The following ELAPOR2 variants were observed in gnomAD, a reference collection of about 807,000 sequenced individuals.
The protein encoded by ELAPOR2 is endosome/lysosome-associated apoptosis and autophagy regulator family member 2.
ELAPOR2 carries 89 observed loss-of-function variants against 120.7 expected under a neutral mutation model. The ratio of observed to expected loss-of-function variants is 0.74; its 90% CI spans 0.62 to 0.88. ELAPOR2 has a LOEUF of 0.88. Ranked by LOEUF, ELAPOR2 falls within the 40% of genes least tolerant of loss-of-function variation. The pLI, the probability that ELAPOR2 is intolerant of heterozygous loss-of-function variation, is 0.00. For missense variants in ELAPOR2, 1,134 were observed against 1,251.6 expected (o/e 0.91, Z 1.42); for synonymous variants, 444 against 444.9 (o/e 1.00, Z 0.03).
At chr7:86,939,160 A>C (rs146754365) in intron 6 of ELAPOR2, among the ~76,000 whole-genome samples, 200 bp from the exon 7 acceptor site, 2 of 152,254 alleles carry the variant, frequency 1.3e-5, no homozygotes, top group East Asian at 3.9e-4. Flanking sequence ...CAAACAAATA[A>C]GAGATGAAGA....
chr7:87,028,364 C>A (rs1348050548), intron 1 of ELAPOR2, among the ~76,000 whole-genome samples: 1 of 152,134 alleles, frequency 6.6e-6, no homozygotes, highest in Non-Finnish European at 1.5e-5. Context: ...CATCAACCCT[C>A]TTCTTCAACA....
rs749291023 is a variant in ELAPOR2, at chr7:86,893,051, G to A, written c.2735C>T (p.Ser912Phe). 1 of 1,573,534 alleles carries A rather than the reference G, an allele frequency of 6.4e-7. No individual in the cohort carries two copies. Among genetic ancestry groups the A allele is most frequent in the African/African-American group, 1.4e-5 (1 of 71,312 alleles). The change falls in exon 20 of 22, where the codon TCT becomes TTT. Residue 912 changes from serine to phenylalanine, a missense_variant. Around this residue, in one of 3 missense-constraint regions of ELAPOR2, gnomAD observed 831 missense variants for 867.6 expected, o/e 0.96. Transcript: ENST00000450689. ...NEPKWCIKGISLPEKKLATCE... is the reference protein window; with the variant it reads ...NEPKWCIKGIFLPEKKLATCE... ...GGTTGCCAACTTTTTCTCAGGCAAAGAAATTCCTTTAATGCACCATTTAGG... is the reference window on the plus strand; with the variant it reads ...GGTTGCCAACTTTTTCTCAGGCAAAAAAATTCCTTTAATGCACCATTTAGG...
chr7:86,950,499 G>A (rs1447083676), intron 2 of ELAPOR2, among the ~76,000 whole-genome samples: 1 of 152,084 alleles, frequency 6.6e-6, no homozygotes, highest in Non-Finnish European at 1.5e-5. Context: ...CTGTCTCCAA[G>A]CTTCTGGGTG....
chr7:86,897,740 G>A (rs1203194798), intron 18 of ELAPOR2, 108 bp from the exon 19 acceptor site: 8 of 1,243,618 alleles, frequency 6.4e-6, no homozygotes, highest in Non-Finnish European at 8.9e-6. Flanking sequence ...AGCACTGTGT[G>A]GATGCTGAAG....
At chr7:86,973,155 G>C (rs1280359193) in intron 1 of ELAPOR2, among the ~76,000 whole-genome samples, 5 of 152,054 alleles carry the variant, frequency 3.3e-5, no homozygotes, top group Non-Finnish European at 7.4e-5. Context: ...GTTCTAAATG[G>C]AAGATCTCAT....
intron 2 of ELAPOR2, among the ~76,000 whole-genome samples, chr7:86,954,610 A>T (rs1374303867): frequency 6.6e-6 from 1 of 152,146 alleles, no homozygotes; most frequent in Non-Finnish European, 1.5e-5. Context: ...TCTGGGAACA[A>T]CATTGTGGCT....
chr7:87,031,302 C>G (rs1372325120), intron 1 of ELAPOR2, among the ~76,000 whole-genome samples: 1 of 152,148 alleles, frequency 6.6e-6, no homozygotes, highest in African/African-American at 2.4e-5. Context: ...AATTGTTCAT[C>G]CAACTGAACA....
At chr7:86,911,813 G>A in intron 15 of ELAPOR2, 1 of 570,284 alleles carries the variant, frequency 1.8e-6, no homozygotes, top group South Asian at 1.8e-5. Flanking sequence ...CATCCTCAAA[G>A]CACTTACACC....
At chr7:86,889,678 C>T (rs1405464050) in intron 21 of ELAPOR2, among the ~76,000 whole-genome samples, 1 of 151,976 alleles carries the variant, frequency 6.6e-6, no homozygotes, top group African/African-American at 2.4e-5. Flanking sequence ...TGTTTGCAGA[C>T]CACAGTTGAC....
At chr7:86,893,620 C>T in intron 19 of ELAPOR2, among the ~76,000 whole-genome samples, 1 of 151,940 alleles carries the variant, frequency 6.6e-6, no homozygotes, top group South Asian at 2.1e-4. Context: ...ACAGGTGCAC[C>T]ACGGCTGGGT....
rs1212104332 is a variant in ELAPOR2, at chr7:87,034,809, G to A, written c.189+24516C>T. ...AGAATAAGAATGTGTGTGGCCAGGC[G>A]CAGTGGCTCACGACTGTAATCCAAG... On this transcript the variant is annotated intron_variant, in intron 1 of 21. Coordinates refer to ENST00000450689, the MANE Select transcript of ELAPOR2 (RefSeq NM_001142749.3). Among the ~76,000 whole-genome samples the A allele has an allele frequency of 1.5e-4, 23 of 152,222 alleles. No individual in the cohort carries two copies. In the East Asian group the frequency reaches 3.5e-3, roughly 23 times the overall value.
At chr7:86,880,565 T>C in intron 21 of ELAPOR2, 35 bp from the exon 22 acceptor site, 1 of 1,342,216 alleles carries the variant, frequency 7.5e-7, no homozygotes, top group Non-Finnish European at 1.1e-6. Context: ...ATCAACTCAC[T>C]GAAATTCTCG....
chr7:87,019,453 G>A (rs74990014), intron 1 of ELAPOR2, among the ~76,000 whole-genome samples: 2,579 of 152,168 alleles, frequency 0.017, 75 homozygotes, highest in African/African-American at 0.058. Context: ...AATGAGCCAC[G>A]ATGCCCAGCC....
chr7:87,032,424 A>T (rs991889536), intron 1 of ELAPOR2, among the ~76,000 whole-genome samples: 1 of 152,334 alleles, frequency 6.6e-6, no homozygotes, highest in African/African-American at 2.4e-5. Context: ...AAAAAGATGT[A>T]AAATGACAGA....
At chr7:86,998,258 A>G (rs746553113) in intron 1 of ELAPOR2, among the ~76,000 whole-genome samples, 1 of 152,210 alleles carries the variant, frequency 6.6e-6, no homozygotes, top group Non-Finnish European at 1.5e-5. Context: ...ATCTTATTAT[A>G]TTCTCACACA....
intron 1 of ELAPOR2, among the ~76,000 whole-genome samples, chr7:87,022,282 A>G (rs1324676558): frequency 1.6e-5 from 2 of 122,508 alleles, no homozygotes; most frequent in African/African-American, 6.4e-5. Context: ...TCCTGTGTCC[A>G]TGTGTTCTCA....
intron 18 of ELAPOR2, among the ~76,000 whole-genome samples, chr7:86,905,032 T>G (rs1788907457): frequency 7.2e-6 from 1 of 138,830 alleles, no homozygotes; most frequent in Admixed American, 8.1e-5. Flanking sequence ...AATGAATGAA[T>G]GGATGAATGA....
intron 20 of ELAPOR2, 129 bp from the exon 21 acceptor site, chr7:86,892,018 T>C (rs1584311599): frequency 1.7e-6 from 1 of 595,022 alleles, no homozygotes. Flanking sequence ...CCAACAAATT[T>C]CCCTAGCCTA....
At chr7:86,975,621 T>G (rs1377890235) in intron 1 of ELAPOR2, among the ~76,000 whole-genome samples, 1 of 152,190 alleles carries the variant, frequency 6.6e-6, no homozygotes, top group African/African-American at 2.4e-5. Context: ...CATTACACTT[T>G]GCAGTTCTGA....
Sources: gnomAD v4.1 joint callset for allele counts (sites outside exome capture counted in the v4.1 genomes callset) on GRCh38, gnomAD v4.1.1 for gene constraint, gnomAD v4.1.1 regional missense constraint, MANE v1.5 for transcripts, NCBI Gene and HGNC (gene_info 2026-07-23, HGNC 2026-07-21) for gene names.